ZNF407: variants seen among roughly 807,000 people sequenced by gnomAD.
The protein encoded by ZNF407 is zinc finger protein 407.
In ZNF407, 17 loss-of-function variants were observed where a neutral mutation model predicts 131.2. The ratio of observed to expected loss-of-function variants is 0.13; its 90% CI spans 0.09 to 0.19. The LOEUF is 0.19. ZNF407 is among the 10% of genes least tolerant of loss of function. The probability of loss-of-function intolerance (pLI) is 1.00; values close to 1 mark genes in which losing one functional copy is unlikely to be tolerated. For missense variants in ZNF407, 2,681 were observed against 2,830.6 expected (o/e 0.95, Z 1.20); for synonymous variants, 1,156 against 1,062.0 (o/e 1.09, Z -1.72).
At chr18:74,779,875 A>G (rs1471643135) in intron 3 of ZNF407, among the ~76,000 whole-genome samples, 1 of 151,918 alleles carries the variant, frequency 6.6e-6, no homozygotes, top group African/African-American at 2.4e-5. Flanking sequence ...GCTCTTTGCT[A>G]TTAGCTTTAT....
intron 4 of ZNF407, among the ~76,000 whole-genome samples, chr18:74,795,125 A>G (rs1484549467): frequency 2.0e-5 from 3 of 152,196 alleles, no homozygotes; most frequent in Non-Finnish European, 2.9e-5. Flanking sequence ...GTATAAAACA[A>G]GACTTTTCTA....
chr18:75,008,355 G>A (rs1197039426), intron 8 of ZNF407, among the ~76,000 whole-genome samples: 1 of 152,094 alleles, frequency 6.6e-6, no homozygotes, highest in African/African-American at 2.4e-5. Flanking sequence ...CTGCAAAGAA[G>A]GAAAAATGTC....
chr18:74,987,302 C>T (rs2959164), intron 8 of ZNF407, among the ~76,000 whole-genome samples: 31,321 of 151,828 alleles, frequency 0.21, 3,678 homozygotes, highest in Admixed American at 0.3. Flanking sequence ...CTTTGATAGA[C>T]GATAACATCA....
At chr18:74,755,064 T>A (rs1267788715) in intron 3 of ZNF407, among the ~76,000 whole-genome samples, 1 of 152,242 alleles carries the variant, frequency 6.6e-6, no homozygotes, top group African/African-American at 2.4e-5. Flanking sequence ...TTAGGATAGT[T>A]ATCTCTTCTT....
At chr18:74,719,102 T>C (rs1180528048) in intron 3 of ZNF407, among the ~76,000 whole-genome samples, 2 of 152,192 alleles carry the variant, frequency 1.3e-5, no homozygotes, top group Non-Finnish European at 2.9e-5. Flanking sequence ...TTAATGATGC[T>C]TGGAAACATA....
chr18:74,881,950 CAAGAG>C (rs927272746), intron 6 of ZNF407, among the ~76,000 whole-genome samples: 4 of 152,168 alleles, frequency 2.6e-5, no homozygotes, highest in African/African-American at 7.2e-5. Context: ...TGGCGACAGA[CAAGAG>C]AAGAGAGCTT....
At chr18:74,863,139 T>C (rs557446397) in intron 4 of ZNF407, among the ~76,000 whole-genome samples, 42 of 151,994 alleles carry the variant, frequency 2.8e-4, no homozygotes, top group African/African-American at 9.6e-4. Context: ...CAGGCTGGTC[T>C]TGAACTCCTG....
At chr18:74,716,565 G>C (rs985959345) in intron 3 of ZNF407, among the ~76,000 whole-genome samples, 5 of 152,104 alleles carry the variant, frequency 3.3e-5, no homozygotes, top group African/African-American at 1.2e-4. Context: ...CTTATCCGTG[G>C]AGTTTTACAT....
At chr18:74,731,842 G>A (rs1968301399) in intron 3 of ZNF407, among the ~76,000 whole-genome samples, 1 of 151,970 alleles carries the variant, frequency 6.6e-6, no homozygotes, top group Non-Finnish European at 1.5e-5. Flanking sequence ...GCCTGGGATG[G>A]GGTCCAAAAA....
chr18:75,029,106 A>G (rs1037048393), intron 8 of ZNF407, among the ~76,000 whole-genome samples: 1 of 152,108 alleles, frequency 6.6e-6, no homozygotes, highest in African/African-American at 2.4e-5. Flanking sequence ...TGCACATAAT[A>G]TAGGGTTTCT....
chr18:74,836,008 GAAAA>G (rs572896349), intron 4 of ZNF407, among the ~76,000 whole-genome samples: 4 of 129,790 alleles, frequency 3.1e-5, no homozygotes, highest in Non-Finnish European at 5.0e-5. Flanking sequence ...GACCCTTATG[GAAAA>G]AAAAAAAAAA....
intron 4 of ZNF407, among the ~76,000 whole-genome samples, chr18:74,809,006 TG>T (rs1970155288): frequency 6.6e-6 from 1 of 152,174 alleles, no homozygotes; most frequent in Admixed American, 6.5e-5. Context: ...GACCGAACCG[TG>T]GGTAAATAAG....
intron 8 of ZNF407, among the ~76,000 whole-genome samples, chr18:74,989,717 C>A (rs1464453948): frequency 6.6e-6 from 1 of 151,898 alleles, no homozygotes; most frequent in African/African-American, 2.4e-5. Flanking sequence ...GTGGTGGGCA[C>A]CTGTAATCCC....
At chr18:74,763,620 TA>T (rs1327707041) in intron 3 of ZNF407, among the ~76,000 whole-genome samples, 2 of 151,802 alleles carry the variant, frequency 1.3e-5, no homozygotes, top group Non-Finnish European at 2.9e-5. Context: ...GTGTAAGGTA[TA>T]AAATGAAGGT....
At chr18:74,921,629 G>A (rs527683902) in intron 8 of ZNF407, among the ~76,000 whole-genome samples, 3 of 152,320 alleles carry the variant, frequency 2.0e-5, no homozygotes, top group Admixed American at 1.3e-4. Context: ...CTGCATGATA[G>A]TACCTACTAA....
At chr18:74,894,960 T>C (rs750989218) in intron 7 of ZNF407, among the ~76,000 whole-genome samples, 5 of 152,150 alleles carry the variant, frequency 3.3e-5, no homozygotes, top group African/African-American at 7.2e-5. Context: ...TTAATTTTTT[T>C]TTAACTATCT....
At chr18:74,654,182 A>G (rs1403173421) in intron 3 of ZNF407, among the ~76,000 whole-genome samples, 2 of 151,886 alleles carry the variant, frequency 1.3e-5, no homozygotes, top group African/African-American at 2.4e-5. Context: ...TTGAGGAAGT[A>G]TAAAATACAG....
At chr18:75,019,476 G>C (rs773548122) in intron 8 of ZNF407, among the ~76,000 whole-genome samples, 54 of 152,202 alleles carry the variant, frequency 3.5e-4, no homozygotes, top group Middle Eastern at 6.8e-3. Flanking sequence ...GAAAATTCCA[G>C]AAACAGTTAT....
At chr18:74,676,736 T>C (rs374712132) in intron 3 of ZNF407, among the ~76,000 whole-genome samples, 2 of 152,104 alleles carry the variant, frequency 1.3e-5, no homozygotes, top group East Asian at 3.9e-4. Context: ...GCCCGGCCAG[T>C]ATTTTTTAAA....
Sources: gnomAD v4.1 joint callset for allele counts (sites outside exome capture counted in the v4.1 genomes callset) on GRCh38, gnomAD v4.1.1 for gene constraint, MANE v1.5 for transcripts, NCBI Gene and HGNC (gene_info 2026-07-23, HGNC 2026-07-21) for gene names.